The following ABCC4 variants were observed in gnomAD, a reference collection of about 807,000 sequenced individuals.
The protein encoded by ABCC4 is ATP binding cassette subfamily C member 4 (PEL blood group).
ABCC4 carries 102 observed loss-of-function variants against 168.5 expected under a neutral mutation model. The ratio of observed to expected loss-of-function variants is 0.61; its 90% CI spans 0.52 to 0.71. The LOEUF (loss-of-function observed/expected upper bound fraction) is 0.71, where lower values mean the gene tolerates loss of function less well. Ranked by LOEUF, ABCC4 falls within the 30% of genes least tolerant of loss-of-function variation. ABCC4 has a pLI of 0.00. For synonymous variants in ABCC4, 617 were observed against 590.7 expected (o/e 1.04, Z -0.65); for missense variants, 1,402 against 1,605.8 (o/e 0.87, Z 2.17).
intron 30 of ABCC4, among the ~76,000 whole-genome samples, chr13:95,024,536 G>A (rs1429123545): frequency 2.0e-5 from 3 of 152,180 alleles, no homozygotes; most frequent in Admixed American, 6.6e-5. Context: ...GCTCCCGCAC[G>A]TGGACAAAGG....
At chr13:95,092,154 T>C (rs2034455820) in intron 20 of ABCC4, among the ~76,000 whole-genome samples, 1 of 152,068 alleles carries the variant, frequency 6.6e-6, no homozygotes, top group Non-Finnish European at 1.5e-5. Flanking sequence ...AGCTCTCAAA[T>C]TTATAAAACA....
Position 95,207,908 on chromosome 13 carries a change from A to G in ABCC4, c.803T>C (p.Phe268Ser), listed in dbSNP as rs779371362. 2.5e-6 allele frequency: 4 copies of G among 1,613,750 alleles called. No individual in the cohort carries two copies. In the African/African-American group the frequency reaches 5.3e-5, roughly 22 times the overall value. ...FSSLRSKTAT[F>S]TDARIRTMNE... ...CATGGTCCTGATCCTGGCATCCGTG[A>G]AAGTTGCAGTTTTACTCCTAAGGGG... The change falls in exon 7 of 31, where the codon TTC (phenylalanine) becomes TCC (serine). Residue 268 changes from phenylalanine (F) to serine (S), a missense_variant. By Grantham distance (155) the Phe-to-Ser change is radical. Around this residue, in one of 3 missense-constraint regions of ABCC4, gnomAD observed 317 missense variants for 345.5 expected, o/e 0.92. Coordinates refer to ENST00000645237, the MANE Select transcript of ABCC4 (RefSeq NM_005845.5).
chr13:95,072,807 G>C (rs967315940), intron 24 of ABCC4, among the ~76,000 whole-genome samples: 1 of 152,134 alleles, frequency 6.6e-6, no homozygotes, highest in Non-Finnish European at 1.5e-5. Context: ...GAGAGGAGGA[G>C]ACCTATTAAT....
chr13:95,054,045 TTTTTTTTTTTTTTTTTTTG>T (rs1168259286), intron 26 of ABCC4: 3 of 48,224 alleles, frequency 6.2e-5, no homozygotes, highest in African/African-American at 1.7e-4. Flanking sequence ...TTTTTTTTTT[TTTTTTTTTTTTTTTTTTTG>T]GCCAAAGGAG....
chr13:95,054,464 C>T (rs947584036), intron 26 of ABCC4, among the ~76,000 whole-genome samples: 16 of 151,852 alleles, frequency 1.1e-4, no homozygotes, highest in African/African-American at 3.9e-4. Context: ...AGGAGAATCA[C>T]TTTGACCTGG....
intron 20 of ABCC4, among the ~76,000 whole-genome samples, chr13:95,107,129 C>T (rs2035035174): frequency 6.6e-6 from 1 of 152,064 alleles, no homozygotes; most frequent in African/African-American, 2.4e-5. Context: ...TAGTGGCAGT[C>T]ACCTGTAATC....
chr13:95,269,425 C>CAAAAA (rs757748531), intron 1 of ABCC4: 14 of 178,384 alleles, frequency 7.8e-5, no homozygotes, highest in South Asian at 2.5e-4. Context: ...GACTCCATCT[C>CAAAAA]AAAAAAAAAA....
chr13:95,115,507 A>C (rs1182564476), intron 20 of ABCC4, among the ~76,000 whole-genome samples: 4 of 151,866 alleles, frequency 2.6e-5, no homozygotes, highest in Non-Finnish European at 5.9e-5. Context: ...CTATCCAAAA[A>C]AAAAAAAAAA....
chr13:95,274,182 C>T (rs2040914575), intron 1 of ABCC4, among the ~76,000 whole-genome samples: 1 of 152,210 alleles, frequency 6.6e-6, no homozygotes, highest in Admixed American at 6.5e-5. Context: ...CTTTCCCCTT[C>T]AGCCAGGCCA....
intron 1 of ABCC4, among the ~76,000 whole-genome samples, chr13:95,295,100 A>C (rs2041495773): frequency 1.3e-5 from 2 of 152,244 alleles, no homozygotes; most frequent in Admixed American, 1.3e-4. Context: ...CCAAAGACTG[A>C]GAAAGACCTG....
chr13:95,042,404 G>A (rs187221396), intron 29 of ABCC4, among the ~76,000 whole-genome samples: 20 of 152,232 alleles, frequency 1.3e-4, no homozygotes, highest in South Asian at 6.2e-4. Flanking sequence ...GGGCATGACC[G>A]CAACAGTGAA....
At chr13:95,047,338 C>G (rs113907641) in intron 27 of ABCC4, among the ~76,000 whole-genome samples, 3 of 152,032 alleles carry the variant, frequency 2.0e-5, no homozygotes, top group African/African-American at 4.8e-5. Context: ...TGTTTATCTC[C>G]TAAAATTGTT....
At chr13:95,065,014 A>T (rs778414646) in intron 25 of ABCC4, among the ~76,000 whole-genome samples, 3 of 152,184 alleles carry the variant, frequency 2.0e-5, no homozygotes, top group Non-Finnish European at 2.9e-5. Flanking sequence ...TCTTTGGCCA[A>T]ACATTAGACA....
chr13:95,160,273 G>A (rs1194507682), intron 19 of ABCC4, among the ~76,000 whole-genome samples: 1 of 152,146 alleles, frequency 6.6e-6, no homozygotes, highest in Non-Finnish European at 1.5e-5. Context: ...CCAGGCCAAA[G>A]CTGTGCCTGT....
intron 19 of ABCC4, among the ~76,000 whole-genome samples, chr13:95,130,588 A>G (rs989541405): frequency 7.9e-5 from 12 of 152,254 alleles, no homozygotes; most frequent in Non-Finnish European, 1.5e-4. Flanking sequence ...AAGTGGTGCC[A>G]AAAAGTAGAT....
chr13:95,240,503 C>T (rs1209765860), intron 3 of ABCC4, among the ~76,000 whole-genome samples: 3 of 151,108 alleles, frequency 2.0e-5, no homozygotes, highest in African/African-American at 7.3e-5. Context: ...TGCACTCCAG[C>T]CTGGGCAAGA....
chr13:95,226,286 C>G lies in ABCC4; in HGVS notation c.531+8324G>C, dbSNP rs758172354. 2.6e-5 allele frequency among the ~76,000 whole-genome samples: 4 copies of G among 152,014 alleles called. No homozygotes were observed. The East Asian group carries it at 7.7e-4, about 29-fold the overall frequency. On this transcript the variant is annotated intron_variant, in intron 4 of 30. Coordinates refer to ENST00000645237, the MANE Select transcript of ABCC4 (RefSeq NM_005845.5). ...TGCAAGAGACTTAGAATAGTCAAAA[C>G]AATCATAAAAGAAAAACAGGTTGGG...
chr13:95,155,842 A>T (rs1399851679), intron 19 of ABCC4, among the ~76,000 whole-genome samples: 1 of 152,230 alleles, frequency 6.6e-6, no homozygotes, highest in Non-Finnish European at 1.5e-5. Context: ...ACTTAGCTAA[A>T]TGTTATGTCA....
intron 19 of ABCC4, among the ~76,000 whole-genome samples, chr13:95,118,653 T>A (rs139640671): frequency 6.6e-6 from 1 of 152,194 alleles, no homozygotes. Flanking sequence ...ACACTTATGA[T>A]AAATTCCCTC....
Sources: allele counts gnomAD v4.1 joint callset (sites outside exome capture counted in the v4.1 genomes callset), GRCh38; gene constraint gnomAD v4.1.1; regional missense constraint gnomAD v4.1.1; transcripts MANE v1.5; gene names NCBI Gene and HGNC (gene_info 2026-07-23, HGNC 2026-07-21).